TBC1D19: variants seen among roughly 807,000 people sequenced by gnomAD.
TBC1D19 encodes the protein TBC1 domain family member 19, also known as TBC1 domain family, member 19.
In TBC1D19, 60 loss-of-function variants were observed where a neutral mutation model predicts 89.0. That is an observed-to-expected ratio of 0.67 (90% confidence interval 0.55 to 0.84). The LOEUF (loss-of-function observed/expected upper bound fraction) is 0.84. Among genes scored for constraint, TBC1D19 ranks in the 40% least tolerant of loss-of-function variants. The probability of loss-of-function intolerance (pLI) is 0.00; values close to 1 mark genes in which losing one functional copy is unlikely to be tolerated. For missense variants in TBC1D19, 500 were observed against 610.8 expected, an observed-to-expected ratio of 0.82 and a Z score of 1.91; for synonymous variants, 189 against 199.7, an observed-to-expected ratio of 0.95 and a Z score of 0.45.
upstream of TBC1D19, chr4:26,584,083 C>G (rs369539403): frequency 4.3e-4 from 457 of 1,051,870 alleles, 6 homozygotes; most frequent in East Asian, 0.011. Context: ...GGAGGAGTCC[C>G]AGTGTAATAA....
chr4:26,616,184 A>G (rs1741689411), intron 3 of TBC1D19, among the ~76,000 whole-genome samples: 2 of 152,190 alleles, frequency 1.3e-5, no homozygotes, highest in African/African-American at 4.8e-5. Context: ...GATAAAGACT[A>G]GATAGGAGGA....
the TBC1D19 span, among the ~76,000 whole-genome samples, chr4:26,784,697 C>T: frequency 6.6e-6 from 1 of 152,206 alleles, no homozygotes; most frequent in African/African-American, 2.4e-5. Context: ...CTACAAAGCT[C>T]CTAAGGCCTC....
At chr4:26,692,931 A>G (rs143684853) in intron 13 of TBC1D19, among the ~76,000 whole-genome samples, 2 of 152,304 alleles carry the variant, frequency 1.3e-5, no homozygotes, top group East Asian at 3.9e-4. Flanking sequence ...AGAAAGACAG[A>G]AAGCTTAACA....
chr4:26,769,994 T>C, the TBC1D19 span, among the ~76,000 whole-genome samples: 1 of 150,460 alleles, frequency 6.6e-6, no homozygotes, highest in African/African-American at 2.4e-5. Flanking sequence ...TAGAATGGAA[T>C]CATAAAATAT....
At chr4:26,665,650 T>C (rs1711739379) in intron 8 of TBC1D19, among the ~76,000 whole-genome samples, 1 of 152,022 alleles carries the variant, frequency 6.6e-6, no homozygotes, top group Non-Finnish European at 1.5e-5. Context: ...TTGCAGTGTT[T>C]AGTTGATTAA....
chr4:26,635,327 A>C (rs1641561), intron 4 of TBC1D19, among the ~76,000 whole-genome samples: 23 of 151,972 alleles, frequency 1.5e-4, no homozygotes, highest in Non-Finnish European at 3.2e-4. Flanking sequence ...TGTAAAGATA[A>C]TGAATGTGGA....
At chr4:26,731,877 C>G (rs533794933) in intron 15 of TBC1D19, among the ~76,000 whole-genome samples, 1 of 151,594 alleles carries the variant, frequency 6.6e-6, no homozygotes, top group African/African-American at 2.4e-5. Context: ...AAACCATTTG[C>G]GAGATTTTGA....
At chr4:26,668,005 G>A (rs1711965167) in intron 9 of TBC1D19, among the ~76,000 whole-genome samples, 1 of 151,882 alleles carries the variant, frequency 6.6e-6, no homozygotes, top group Admixed American at 6.6e-5. Context: ...TTAAAGTAGA[G>A]GATGTGGAGA....
At chr4:26,610,414 C>CTTTTTTTTTTTT (rs757861203) in intron 1 of TBC1D19, among the ~76,000 whole-genome samples, 1 of 112,420 alleles carries the variant, frequency 8.9e-6, no homozygotes, top group Non-Finnish European at 2.0e-5. Flanking sequence ...TTCTGCATTT[C>CTTTTTTTTTTTT]TTTTTTTTTT....
chr4:26,680,238 A>T (rs547038600), intron 11 of TBC1D19, among the ~76,000 whole-genome samples: 18 of 152,234 alleles, frequency 1.2e-4, no homozygotes, highest in Non-Finnish European at 2.2e-4. Flanking sequence ...TAGCAGCATG[A>T]TAATGGACTA....
chr4:26,755,710 A>G lies in TBC1D19; in HGVS notation c.*763A>G, dbSNP rs895436678. Among the ~76,000 whole-genome samples the G allele has an allele frequency of 1.3e-5, 2 of 152,180 alleles. No homozygotes were observed. The highest frequency in any genetic ancestry group is 2.9e-5 in the Non-Finnish European group (2 of 68,028). ...CCAGCTTCTGTTACTTTGTAACTAT[A>G]CAAGGAAGACACCCAAGAGAATGAG... On this transcript the variant is annotated 3_prime_UTR_variant, in exon 21 of 21. Transcript: ENST00000264866.
chr4:26,842,340 C>CTTTTTTTT, the TBC1D19 span, among the ~76,000 whole-genome samples: 17 of 81,596 alleles, frequency 2.1e-4, no homozygotes, highest in East Asian at 7.7e-4. Flanking sequence ...CTTTTCTTTT[C>CTTTTTTTT]TTTTTTTTTT....
At chr4:26,818,177 C>T in the TBC1D19 span, among the ~76,000 whole-genome samples, 1 of 151,790 alleles carries the variant, frequency 6.6e-6, no homozygotes, top group South Asian at 2.1e-4. Flanking sequence ...CTTTGGAGAA[C>T]ACATCTTCAA....
At chr4:26,718,494 T>C (rs1276694745) in intron 14 of TBC1D19, among the ~76,000 whole-genome samples, 1 of 152,146 alleles carries the variant, frequency 6.6e-6, no homozygotes, top group Admixed American at 6.6e-5. Context: ...CCTGCCATCA[T>C]CTGAAGATAC....
chr4:26,679,217 G>A (rs1324383871), intron 11 of TBC1D19, among the ~76,000 whole-genome samples: 1 of 152,100 alleles, frequency 6.6e-6, no homozygotes, highest in Non-Finnish European at 1.5e-5. Context: ...AGGCTTAGGA[G>A]GGAAAAATGG....
chr4:26,584,419 A>G (rs1739284138), intron 1 of TBC1D19, 127 bp downstream of exon 1: 1 of 839,262 alleles, frequency 1.2e-6, no homozygotes, highest in Non-Finnish European at 1.8e-6. Context: ...CTCAAAAAAC[A>G]AACAGACAAA....
chr4:26,653,062 G>C (rs993544217), intron 7 of TBC1D19, among the ~76,000 whole-genome samples: 1 of 152,124 alleles, frequency 6.6e-6, no homozygotes, highest in Non-Finnish European at 1.5e-5. Flanking sequence ...ATTCTGGTAT[G>C]TTGTGCCTTT....
the TBC1D19 span, among the ~76,000 whole-genome samples, chr4:26,784,305 T>A: frequency 6.6e-6 from 1 of 151,976 alleles, no homozygotes; most frequent in African/African-American, 2.4e-5. Context: ...TCCAATTGAG[T>A]CTCCTAGTAA....
At chr4:26,735,427 T>C (rs746538255) in intron 15 of TBC1D19, 28 bp from the exon 16 acceptor site, 8 of 1,471,270 alleles carry the variant, frequency 5.4e-6, no homozygotes, top group South Asian at 5.1e-5. Flanking sequence ...CTACTACTTA[T>C]TGAAAAGAAA....
Sources: allele counts gnomAD v4.1 joint callset (sites outside exome capture counted in the v4.1 genomes callset), GRCh38; gene constraint gnomAD v4.1.1; transcripts MANE v1.5; gene names NCBI Gene and HGNC (gene_info 2026-07-23, HGNC 2026-07-21).